MPV17: variants seen among roughly 807,000 people sequenced by gnomAD.
The protein encoded by MPV17 is mitochondrial inner membrane protein MPV17, also known as MPV17, mitochondrial inner membrane protein.
Under a neutral mutation model 28.6 loss-of-function variants are expected in MPV17, and 31 were observed. That is an observed-to-expected ratio of 1.08 (90% CI 0.81 to 1.46). The LOEUF is 1.46. Among genes scored for constraint, MPV17 ranks in the 40% most tolerant of loss-of-function variants. MPV17 has a pLI of 0.00. For missense variants in MPV17, 198 were observed against 216.2 expected (o/e 0.92, Z 0.53); for synonymous variants, 87 against 85.3 (o/e 1.02, Z -0.11).
rs768630067 is a variant in MPV17 at position 27,309,840 on chromosome 2, T to G, written c.*72A>C. On this transcript the variant is annotated 3_prime_UTR_variant, in exon 8 of 8. Coordinates refer to ENST00000380044, the MANE Select transcript of MPV17 (RefSeq NM_002437.5). ...CCCGTGGAAACTGGTATGCCCACTT[T>G]GAGGAGGTTGTCTGACCGTTCCAGG... The G allele has an allele frequency of 3.0e-4, 390 of 1,321,064 alleles. 2 individuals are homozygous for G. Among genetic ancestry groups the G allele is most frequent in the Non-Finnish European group, 3.5e-4 (324 of 916,602 alleles). The allele number at this position is 1,321,064 out of a possible 1,614,324, so 81.8% of individuals were successfully genotyped here. A position where few individuals can be genotyped will look rare whatever the true frequency, so the allele number is the denominator to read the frequency against.
chr2:27,313,314 G>A lies in MPV17; in HGVS notation c.71-205C>T. On this transcript the variant is annotated intron_variant, in intron 2 of 7. Coordinates refer to ENST00000380044, the MANE Select transcript of MPV17 (RefSeq NM_002437.5). ...GTGACACCTCATGTGTATTCTGTCA[G>A]AAACTGGGATGAGCAGACCCAGGTC... 4 of 1,235,428 alleles carry A rather than the reference G, an allele frequency of 3.2e-6. No homozygotes were observed. In the South Asian group the frequency reaches 5.9e-5, roughly 18 times the overall value. 76.5% of individuals were successfully genotyped at this position (1,235,428 alleles called of 1,614,324 possible).
Position 27,317,254 on chromosome 2 carries a change from G to A in MPV17, c.71-4145C>T, listed in dbSNP as rs1243422712. ...AGAAGTCTGCAAACATTAGTTAGCT[G>A]CCTAGGATAGGGGCTCAGTCTGGCA... On this transcript the variant is annotated intron_variant, in intron 2 of 7. Coordinates refer to ENST00000380044, the MANE Select transcript of MPV17 (RefSeq NM_002437.5). This position sits in a 1 kb window ranked among gnomAD's most constrained non-coding sequence, Gnocchi z 4.0. 7.2e-6 allele frequency: 11 copies of A among 1,530,012 alleles called. No individual in the cohort carries two copies. The highest frequency in any genetic ancestry group is 8.8e-6 in the Non-Finnish European group (10 of 1,136,044). The allele number at this position is 1,530,012 out of a possible 1,614,324, so 94.8% of individuals were successfully genotyped here.
At chr2:27,313,150 A>G (rs772465391) in intron 2 of MPV17, 41 bp from the exon 3 acceptor site, 1 of 1,613,750 alleles carries the variant, frequency 6.2e-7, no homozygotes, top group Admixed American at 1.7e-5. Context: ...ATCTCCTGGG[A>G]TGGGCTGCCA....
chr2:27,311,630 C>A (rs779028523), intron 7 of MPV17: 3 of 1,550,582 alleles, frequency 1.9e-6, no homozygotes, highest in East Asian at 4.9e-5. Context: ...CCATCAAAGA[C>A]GGAGCTCAGG....
Position 27,312,264 on chromosome 2 carries a change from G to T in MPV17, c.376-18C>A, listed in dbSNP as rs2148215178. 1.2e-6 allele frequency: 2 copies of T among 1,613,792 alleles called. No homozygotes were observed. Among genetic ancestry groups the T allele is most frequent in the Non-Finnish European group, 1.7e-6 (2 of 1,179,698 alleles). On this transcript the variant is annotated intron_variant, in intron 5 of 7. Coordinates refer to ENST00000380044, the MANE Select transcript of MPV17 (RefSeq NM_002437.5). ...GGATAATCCTGGGGAGACAGAGAAG[G>T]AACAAATTAACACTTGCGCCTCCAA...
intron 2 of MPV17, chr2:27,313,312 C>A: frequency 8.0e-7 from 1 of 1,251,010 alleles, no homozygotes; most frequent in Non-Finnish European, 1.1e-6. Flanking sequence ...TGTATTCTGT[C>A]AGAAACTGGG....
chr2:27,312,300 C>A, intron 5 of MPV17, 54 bp from the exon 6 acceptor site: 1 of 1,584,930 alleles, frequency 6.3e-7, no homozygotes, highest in Non-Finnish European at 8.7e-7. Context: ...GCAGCTCCCA[C>A]TTCCCAGTAT....
chr2:27,319,857 C>T (rs760687789), intron 2 of MPV17, among the ~76,000 whole-genome samples: 1 of 148,240 alleles, frequency 6.7e-6, no homozygotes, highest in Non-Finnish European at 1.5e-5. Flanking sequence ...ACCCAGGAGG[C>T]GGAGGTTGCA....
rs1489066168 is a variant in MPV17 at position 27,317,415 on chromosome 2, T to C, written c.71-4306A>G. 6.6e-6 allele frequency among the ~76,000 whole-genome samples: 1 copy of C among 152,196 alleles called. No homozygotes were observed. Among genetic ancestry groups the C allele is most frequent in the Non-Finnish European group, 1.5e-5 (1 of 68,032 alleles). On this transcript the variant is annotated intron_variant, in intron 2 of 7. Transcript: ENST00000380044. The surrounding 1 kb of genome is among the most constrained non-coding windows in gnomAD (Gnocchi z 4.0). ...AGACAAAACGGGTAGTTTTGCAGCTTGTTACGTATCTAAGCTCAGATCAGC... is the reference window on the plus strand; with the variant it reads ...AGACAAAACGGGTAGTTTTGCAGCTCGTTACGTATCTAAGCTCAGATCAGC...
Position 27,317,219 on chromosome 2 carries a change from CT to C in MPV17, c.71-4111del. On this transcript the variant is annotated intron_variant, in intron 2 of 7. Transcript: ENST00000380044. This position sits in a 1 kb window ranked among gnomAD's most constrained non-coding sequence, Gnocchi z 4.0. Reference sequence around the variant, plus strand: ...ACTGGCATGGGGCCAGCAGTGCTGCCTTCCTCCCCAGAAGTCTGCAAACATT... The same window carrying C: ...ACTGGCATGGGGCCAGCAGTGCTGCCTCCTCCCCAGAAGTCTGCAAACATT... The C allele has an allele frequency of 6.5e-7, 1 of 1,548,502 alleles. No individual in the cohort carries two copies. The highest frequency in any genetic ancestry group is 8.7e-7 in the Non-Finnish European group (1 of 1,146,042).
At chr2:27,313,304 T>C in intron 2 of MPV17, 195 bp from the exon 3 acceptor site, 3 of 1,301,812 alleles carry the variant, frequency 2.3e-6, no homozygotes, top group Middle Eastern at 2.7e-4. Context: ...ACCTCATGTG[T>C]ATTCTGTCAG....
At chr2:27,316,938 G>A in intron 2 of MPV17, 1 of 787,816 alleles carries the variant, frequency 1.3e-6, no homozygotes, top group Non-Finnish European at 2.0e-6. Context: ...CAGCGGCCAG[G>A]GGGAAGGGAG....
At chr2:27,320,546 G>T (rs1366442845) in intron 2 of MPV17, among the ~76,000 whole-genome samples, 1 of 152,084 alleles carries the variant, frequency 6.6e-6, no homozygotes, top group Non-Finnish European at 1.5e-5. Flanking sequence ...GTGTTAGCCA[G>T]GTTGGTCTCG....
chr2:27,317,201 T>G lies in MPV17; in HGVS notation c.71-4092A>C. The G allele has an allele frequency of 6.5e-7, 1 of 1,550,222 alleles. No individual in the cohort carries two copies. The highest frequency in any genetic ancestry group is 8.7e-7 in the Non-Finnish European group (1 of 1,146,868). On this transcript the variant is annotated intron_variant, in intron 2 of 7. Transcript: ENST00000380044. The surrounding 1 kb of genome is among the most constrained non-coding windows in gnomAD (Gnocchi z 4.0). ...GGGTCGGCAGGTATAGCTACTGGCATGGGGCCAGCAGTGCTGCCTTCCTCC... is the reference window on the plus strand; with the variant it reads ...GGGTCGGCAGGTATAGCTACTGGCAGGGGGCCAGCAGTGCTGCCTTCCTCC...
In MPV17 at chr2:27,317,894, T is replaced by A. The variant is rs1679714408; in HGVS notation, c.70+4554A>T. 6.6e-6 allele frequency among the ~76,000 whole-genome samples: 1 copy of A among 152,196 alleles called. No homozygotes were observed. The highest frequency in any genetic ancestry group is 2.1e-4 in the South Asian group (1 of 4,834). On this transcript the variant is annotated intron_variant, in intron 2 of 7. Transcript: ENST00000380044. The surrounding 1 kb of genome is among the most constrained non-coding windows in gnomAD (Gnocchi z 4.0). Reference sequence around the variant, plus strand: ...ATACTAGACATTTCTTTTGAATCATTTCAAATGTTCTTGATTCACTATCTC... The same window carrying A: ...ATACTAGACATTTCTTTTGAATCATATCAAATGTTCTTGATTCACTATCTC...
rs762630909 is a variant in MPV17 at position 27,309,975 on chromosome 2, G to A, written c.468C>T (p.Ala156=). ...AGATAACAGCAACACATTGGACAAC[G>A]GCCAACCTAAGGAACAGGAATAACA... The part of the protein sequence containing the change: ...FYLVPLHYRL[A]VVQCVAVIWN... Residue 156 remains alanine (A), a synonymous_variant, in exon 8 of 8, where the codon GCC becomes GCT. Coordinates refer to ENST00000380044, the MANE Select transcript of MPV17 (RefSeq NM_002437.5). The A allele has an allele frequency of 2.1e-5, 34 of 1,613,424 alleles. No homozygotes were observed. Among genetic ancestry groups the A allele is most frequent in the Admixed American group, 5.0e-5 (3 of 59,978 alleles).
Position 27,313,111 on chromosome 2 carries a change from T to C in MPV17, c.71-2A>G, listed in dbSNP as rs2148216461. 1 of 1,614,146 alleles carries C rather than the reference T, an allele frequency of 6.2e-7. No individual in the cohort carries two copies. Among genetic ancestry groups the C allele is most frequent in the Non-Finnish European group, 8.5e-7 (1 of 1,180,026 alleles). On this transcript the variant is annotated splice_acceptor_variant, in intron 2 of 7. Transcript: ENST00000380044. LOFTEE classifies it high-confidence loss of function. ...TGTCACCCAGGCCCATCAGGGACCC[T>C]ATGCAGGGTACACAGGTGTTGTCAG...
chr2:27,317,146 A>C lies in MPV17; in HGVS notation c.71-4037T>G. 6.5e-7 allele frequency: 1 copy of C among 1,550,376 alleles called. No homozygotes were observed. Among genetic ancestry groups the C allele is most frequent in the South Asian group, 1.2e-5 (1 of 84,040 alleles). The stretch of plus-strand genomic sequence containing the variant: ...GAAGTGGCTTCTTGGAGTGAGGAGC[A>C]GGAAGCGTGTCCTTCAGTCCAGGAG... On this transcript the variant is annotated intron_variant, in intron 2 of 7. Transcript: ENST00000380044. This position sits in a 1 kb window ranked among gnomAD's most constrained non-coding sequence, Gnocchi z 4.0.
intron 2 of MPV17, chr2:27,315,978 C>A: frequency 6.6e-7 from 1 of 1,504,170 alleles, no homozygotes. Flanking sequence ...GTATTCCTGG[C>A]ATGGGCTGAG....
Sources: gnomAD v4.1 joint callset for allele counts (sites outside exome capture counted in the v4.1 genomes callset) on GRCh38, gnomAD v4.1.1 for gene constraint, Gnocchi (gnomAD v3.1) non-coding constraint, MANE v1.5 for transcripts, NCBI Gene and HGNC (gene_info 2026-07-23, HGNC 2026-07-21) for gene names.